Variants in CASR observed in about 807,000 individuals in gnomAD.
CASR encodes the protein extracellular calcium-sensing receptor.
A neutral mutation model predicts 69.1 loss-of-function variants in CASR; 23 were observed. The ratio of observed to expected loss-of-function variants is 0.33; its 90% CI spans 0.24 to 0.47. The LOEUF is 0.47. Ranked by LOEUF, CASR falls within the 20% of genes least tolerant of loss-of-function variation. The pLI, the probability that CASR is intolerant of heterozygous loss-of-function variation, is 1.00. For missense variants in CASR, 924 were observed against 1,356.1 expected (o/e 0.68, Z 5.00); for synonymous variants, 541 against 544.7 (o/e 0.99, Z 0.10).
At chr3:122,191,666 A>G (rs1273625677) in intron 1 of CASR, among the ~76,000 whole-genome samples, 1 of 152,198 alleles carries the variant, frequency 6.6e-6, no homozygotes, top group East Asian at 1.9e-4. Context: ...ATGAAAATAA[A>G]CTCAAAAAAA....
intron 1 of CASR, among the ~76,000 whole-genome samples, chr3:122,230,545 A>G (rs34543270): frequency 0.037 from 5,700 of 152,274 alleles, 129 homozygotes; most frequent in South Asian, 0.071. Context: ...ACCCCCTGCA[A>G]CAGGGCAGCG....
At position 122,287,649 on chromosome 3, in the gene CASR, T is replaced by C. The variant is rs1172380056; in HGVS notation, c.*2458T>C. 1 of 152,326 alleles carries C rather than the reference T, an allele frequency of 6.6e-6. No homozygotes were observed. Among genetic ancestry groups the C allele is most frequent in the Non-Finnish European group, 1.5e-5 (1 of 68,120 alleles). 9.4% of individuals were successfully genotyped at this position (152,326 alleles called of 1,614,324 possible). A position where few individuals can be genotyped will look rare whatever the true frequency, so the allele number is the denominator to read the frequency against. ...ATCAGCAGCTCCCTCATGACATTGC[T>C]GAAAGCAATCTTATCTGGCCTTCGC... On this transcript the variant is annotated 3_prime_UTR_variant, in exon 7 of 7. Transcript: ENST00000639785.
intron 1 of CASR, among the ~76,000 whole-genome samples, chr3:122,248,683 G>A (rs1408072186): frequency 1.3e-5 from 2 of 151,110 alleles, no homozygotes; most frequent in Non-Finnish European, 2.9e-5. Context: ...AATTTACTGA[G>A]TGATTTTATG....
At chr3:122,184,903 G>C (rs968272449) in intron 1 of CASR, among the ~76,000 whole-genome samples, 2 of 152,196 alleles carry the variant, frequency 1.3e-5, no homozygotes, top group Non-Finnish European at 2.9e-5. Context: ...AGCTTTTACA[G>C]AGTGTATGAA....
At chr3:122,241,112 C>T (rs1295769601) in intron 1 of CASR, among the ~76,000 whole-genome samples, 1 of 151,772 alleles carries the variant, frequency 6.6e-6, no homozygotes, top group African/African-American at 2.4e-5. Context: ...CCTAATGATG[C>T]ATCTTAAAGA....
At chr3:122,252,665 G>T (rs937625) in intron 1 of CASR, among the ~76,000 whole-genome samples, 138,995 of 151,936 alleles carry the variant, frequency 0.91, 64,057 homozygotes, top group African/African-American at 0.94. Context: ...TAGGGATTGT[G>T]TAAATATGAA....
intron 3 of CASR, among the ~76,000 whole-genome samples, chr3:122,258,180 A>G (rs531976140): frequency 2.0e-5 from 3 of 152,234 alleles, no homozygotes; most frequent in Non-Finnish European, 4.4e-5. Flanking sequence ...TAATAGTGAA[A>G]AAATGGAAAC....
intron 1 of CASR, among the ~76,000 whole-genome samples, chr3:122,252,411 A>G (rs866927105): frequency 3.4e-5 from 1 of 29,638 alleles, no homozygotes; most frequent in Non-Finnish European, 7.6e-5. Flanking sequence ...AGGAAGGAAA[A>G]AGAAAGAAAG....
chr3:122,197,974 T>G lies in CASR; in HGVS notation c.-243+14162T>G, dbSNP rs547699471. The stretch of plus-strand genomic sequence containing the variant: ...TTTGGGCCTTCCCTGAAGCATTTTT[T>G]CAGATCTTTTAAAAAATGTCTCACC... On this transcript the variant is annotated intron_variant, in intron 1 of 6. Transcript: ENST00000639785. Among the ~76,000 whole-genome samples the G allele has an allele frequency of 2.6e-5, 4 of 152,356 alleles. No homozygotes were observed. In the South Asian group the frequency reaches 8.3e-4, roughly 32 times the overall value.
chr3:122,215,881 G>T (rs1201659675), intron 1 of CASR, among the ~76,000 whole-genome samples: 1 of 152,178 alleles, frequency 6.6e-6, no homozygotes, highest in Non-Finnish European at 1.5e-5. Flanking sequence ...CTGAAGGACA[G>T]GTGCATGAGG....
rs2074042120 is a variant in CASR, at chr3:122,209,618, A to T, written c.-243+25806A>T. Among the ~76,000 whole-genome samples, 3 of 152,144 alleles carry T rather than the reference A, an allele frequency of 2.0e-5. No individual in the cohort carries two copies. In the South Asian group the frequency reaches 6.2e-4, roughly 32 times the overall value. On this transcript the variant is annotated intron_variant, in intron 1 of 6. Transcript: ENST00000639785. ...TGGGAAAGACCTGCCCCCATGATTC[A>T]ATTATCTCCCACAAGGTCCCTCCCA...
chr3:122,238,511 A>C (rs1414945250), intron 1 of CASR, among the ~76,000 whole-genome samples: 1 of 152,196 alleles, frequency 6.6e-6, no homozygotes, highest in Non-Finnish European at 1.5e-5. Context: ...ATTCCTAACT[A>C]AGCAATTCCT....
chr3:122,226,482 A>G (rs144403557), intron 1 of CASR, among the ~76,000 whole-genome samples: 5,518 of 152,246 alleles, frequency 0.036, 122 homozygotes, highest in South Asian at 0.071. Flanking sequence ...AAGCTTCCAC[A>G]GCGTGGAAGG....
At chr3:122,240,669 A>G (rs1475995391) in intron 1 of CASR, among the ~76,000 whole-genome samples, 1 of 152,216 alleles carries the variant, frequency 6.6e-6, no homozygotes, top group Non-Finnish European at 1.5e-5. Flanking sequence ...AATCTGCAGT[A>G]TGAAACAAAT....
chr3:122,218,322 T>C (rs1001779363), intron 1 of CASR, among the ~76,000 whole-genome samples: 1 of 151,272 alleles, frequency 6.6e-6, no homozygotes, highest in South Asian at 2.1e-4. Context: ...GATCATGAGG[T>C]CAGGAGATCA....
chr3:122,261,981 G>A lies in CASR; in HGVS notation c.946G>A (p.Gly316Ser), dbSNP rs755997016. The A allele has an allele frequency of 3.1e-6, 5 of 1,614,172 alleles. No individual in the cohort carries two copies. Among genetic ancestry groups the A allele is most frequent in the East Asian group, 2.2e-5 (1 of 44,882 alleles). ...AMPQYFHVVG[G>S]TIGFALKAGQ... is the part of the protein sequence containing the mutation. ...GCCTCAGTACTTCCACGTGGTTGGC[G>A]GCACCATTGGATTCGCTCTGAAGGC... The change falls in exon 4 of 7, where the codon GGC becomes AGC. Residue 316 changes from glycine to serine, a missense_variant. By Grantham distance (56) the Gly-to-Ser change is moderately conservative. Around this residue, in one of 8 missense-constraint regions of CASR, gnomAD observed 310 missense variants for 395.7 expected, o/e 0.78. Coordinates refer to ENST00000639785, the MANE Select transcript of CASR (RefSeq NM_000388.4).
chr3:122,261,728 G>A lies in CASR; in HGVS notation c.693G>A (p.Glu231=), dbSNP rs1348427911. The A allele has an allele frequency of 6.2e-7, 1 of 1,614,102 alleles. No homozygotes were observed. Among genetic ancestry groups the A allele is most frequent in the Non-Finnish European group, 8.5e-7 (1 of 1,180,026 alleles). Residue 231 remains glutamate (E), a synonymous_variant, in exon 4 of 7, where the codon GAG becomes GAA. Transcript: ENST00000639785. The part of the protein sequence containing the change: ...PGIEKFREEA[E]ERDICIDFSE... ...TTGAGAAATTCCGAGAGGAAGCTGA[G>A]GAAAGGGATATCTGCATCGACTTCA... is the stretch of plus-strand genomic sequence containing the variant.
chr3:122,257,470 G>T (rs2074568516), intron 3 of CASR, 83 bp downstream of exon 3: 3 of 970,072 alleles, frequency 3.1e-6, no homozygotes, highest in East Asian at 4.8e-5. Context: ...TAGCCATACG[G>T]TTTACCATAT....
At chr3:122,216,494 A>G (rs2074118603) in intron 1 of CASR, among the ~76,000 whole-genome samples, 1 of 152,216 alleles carries the variant, frequency 6.6e-6, no homozygotes, top group African/African-American at 2.4e-5. Context: ...TTCTTTTGAC[A>G]TTTAACTTAT....
Sources: allele counts gnomAD v4.1 joint callset (sites outside exome capture counted in the v4.1 genomes callset), GRCh38; gene constraint gnomAD v4.1.1; regional missense constraint gnomAD v4.1.1; transcripts MANE v1.5; gene names NCBI Gene and HGNC (gene_info 2026-07-23, HGNC 2026-07-21).